Variants in XRCC5 observed in about 807,000 individuals in gnomAD.
XRCC5 encodes DNA repair protein Ku80.
In XRCC5, 12 loss-of-function variants were observed where a neutral mutation model predicts 95.7. That is an observed-to-expected ratio of 0.13 (90% confidence interval 0.08 to 0.20). The LOEUF is 0.20. Ranked by LOEUF, XRCC5 falls within the 10% of genes least tolerant of loss-of-function variation. The pLI is 1.00. For missense variants in XRCC5, 595 were observed against 873.9 expected (o/e 0.68, Z 4.02); for synonymous variants, 281 against 290.3 (o/e 0.97, Z 0.33).
intron 19 of XRCC5, among the ~76,000 whole-genome samples, chr2:216,203,690 C>T (rs1010496960): frequency 1.3e-4 from 20 of 152,154 alleles, no homozygotes; most frequent in African/African-American, 4.6e-4. Flanking sequence ...TCTCATCTGC[C>T]TGTTTTCAAA....
chr2:216,161,434 C>T (rs1688949001), intron 15 of XRCC5, among the ~76,000 whole-genome samples: 1 of 152,208 alleles, frequency 6.6e-6, no homozygotes, highest in South Asian at 2.1e-4. Context: ...CATCTTTGTA[C>T]ATAATCTGCT....
At chr2:216,191,481 G>A (rs1689611414) in intron 17 of XRCC5, among the ~76,000 whole-genome samples, 3 of 151,748 alleles carry the variant, frequency 2.0e-5, no homozygotes, top group Admixed American at 2.0e-4. Context: ...GCGGATCTCG[G>A]CTCACTGCAA....
At chr2:216,121,331 G>A (rs1207829901) in intron 5 of XRCC5, among the ~76,000 whole-genome samples, 1 of 152,162 alleles carries the variant, frequency 6.6e-6, no homozygotes, top group Non-Finnish European at 1.5e-5. Flanking sequence ...TTTAAGTGTA[G>A]CAAATAAAAT....
chr2:216,184,595 G>C (rs947221870), intron 16 of XRCC5, among the ~76,000 whole-genome samples: 3 of 152,100 alleles, frequency 2.0e-5, no homozygotes, highest in African/African-American at 7.2e-5. Flanking sequence ...TCCTGCCTCC[G>C]CCTCAGCCTC....
intron 1 of XRCC5, 34 bp downstream of exon 1, chr2:216,109,491 G>A (rs1559234255): frequency 6.2e-7 from 1 of 1,612,956 alleles, no homozygotes; most frequent in African/African-American, 1.3e-5. Context: ...GGCTTTACCC[G>A]GACTGGGGAT....
rs752642742 is a variant in XRCC5 at position 216,204,313 on chromosome 2, T to C, written c.2110-9T>C. ...CATTTTGGTATGATAACTGACTTTC[T>C]ATTTACAGTTTCTGGCCCCCAAAGA... is the stretch of plus-strand genomic sequence containing the variant. On this transcript the variant is annotated splice_polypyrimidine_tract_variant and intron_variant, in intron 19 of 20. Coordinates refer to ENST00000392132, the MANE Select transcript of XRCC5 (RefSeq NM_021141.4). 1.2e-6 allele frequency: 2 copies of C among 1,613,810 alleles called. No homozygotes were observed. The highest frequency in any genetic ancestry group is 1.7e-6 in the Non-Finnish European group (2 of 1,179,732).
intron 16 of XRCC5, among the ~76,000 whole-genome samples, chr2:216,168,077 A>G (rs1430818895): frequency 6.6e-6 from 1 of 152,190 alleles, no homozygotes; most frequent in Admixed American, 6.5e-5. Flanking sequence ...TCTCATTGTA[A>G]CACAAAAATC....
chr2:216,119,000 A>T, intron 4 of XRCC5, 43 bp from the exon 5 acceptor site: 1 of 1,601,070 alleles, frequency 6.2e-7, no homozygotes, highest in Non-Finnish European at 8.5e-7. Flanking sequence ...TAGAAAAATA[A>T]TTCAGGAGAA....
rs1459876626 is a variant in XRCC5, at chr2:216,189,882, C to T, written c.1835-343C>T. 2.0e-5 allele frequency among the ~76,000 whole-genome samples: 3 copies of T among 152,086 alleles called. 1 individual carries two copies. The highest frequency in any genetic ancestry group is 4.1e-4 in the South Asian group (2 of 4,820). ...AGGCAGTTTTGAATTATCCAAATGG[C>T]CCCTAAATTCTGGGGGAAAATAAAA... is the stretch of plus-strand genomic sequence containing the variant. On this transcript the variant is annotated intron_variant, in intron 16 of 20. Coordinates refer to ENST00000392132, the MANE Select transcript of XRCC5 (RefSeq NM_021141.4).
intron 12 of XRCC5, among the ~76,000 whole-genome samples, chr2:216,140,766 T>C (rs1697158812): frequency 6.6e-6 from 1 of 152,268 alleles, no homozygotes; most frequent in African/African-American, 2.4e-5. Flanking sequence ...AAAATGCTTA[T>C]GCTTCATTAC....
chr2:216,116,054 G>A (rs985431824), intron 2 of XRCC5, among the ~76,000 whole-genome samples: 2 of 152,056 alleles, frequency 1.3e-5, no homozygotes, highest in Non-Finnish European at 2.9e-5. Flanking sequence ...ATGTTGATAC[G>A]TGTTGCACAA....
At chr2:216,152,093 A>G (rs1199847197) in intron 14 of XRCC5, among the ~76,000 whole-genome samples, 1 of 152,182 alleles carries the variant, frequency 6.6e-6, no homozygotes, top group Non-Finnish European at 1.5e-5. Context: ...CCCATAATCC[A>G]TTCACTTCCC....
At chr2:216,203,848 C>CTTTTTTT (rs56250537) in intron 19 of XRCC5, among the ~76,000 whole-genome samples, 1 of 118,792 alleles carries the variant, frequency 8.4e-6, no homozygotes, top group African/African-American at 3.3e-5. Context: ...TTATTCTAAG[C>CTTTTTTT]TTTTTTTTTT....
intron 14 of XRCC5, among the ~76,000 whole-genome samples, chr2:216,155,587 T>C (rs1688826348): frequency 6.6e-6 from 1 of 152,182 alleles, no homozygotes. Context: ...AGTGTACTCG[T>C]CACTAGGGGA....
intron 12 of XRCC5, 99 bp downstream of exon 12, chr2:216,138,278 G>A: frequency 9.9e-7 from 1 of 1,010,584 alleles, no homozygotes; most frequent in South Asian, 1.4e-5. Context: ...TATTTATAGG[G>A]TGCAATTAGT....
rs575700008 is a variant in XRCC5 at position 216,205,150 on chromosome 2, G to T, written c.2185-38G>T. On this transcript the variant is annotated intron_variant, in intron 20 of 20. Coordinates refer to ENST00000392132, the MANE Select transcript of XRCC5 (RefSeq NM_021141.4). ...CCAGAGAAGCAGTGGTATGAAATTG[G>T]CCTGATTCCTTTCTAAGTGTGTTGT... The T allele has an allele frequency of 3.1e-6, 5 of 1,613,380 alleles. No individual in the cohort carries two copies. In the African/African-American group the frequency reaches 5.3e-5, roughly 17 times the overall value.
At chr2:216,188,307 C>T (rs1178536615) in intron 16 of XRCC5, among the ~76,000 whole-genome samples, 4 of 152,190 alleles carry the variant, frequency 2.6e-5, no homozygotes, top group Non-Finnish European at 2.9e-5. Context: ...TCATAGCCCT[C>T]TTCACATTAT....
At chr2:216,141,151 AAAT>A in intron 12 of XRCC5, 32 bp from the exon 13 acceptor site, 1 of 1,609,380 alleles carries the variant, frequency 6.2e-7, no homozygotes, top group Non-Finnish European at 8.5e-7. Context: ...AGAATAATGG[AAAT>A]AATCATTTTT....
rs1472864423 is a variant in XRCC5 at position 216,175,831 on chromosome 2, C to T, written c.1834+13783C>T. 3 of 436,450 alleles carry T rather than the reference C, an allele frequency of 6.9e-6. No individual in the cohort carries two copies. In the Admixed American group the frequency reaches 7.9e-5, roughly 12 times the overall value. 27.0% of individuals were successfully genotyped at this position (436,450 alleles called of 1,614,324 possible). A position where few individuals can be genotyped will look rare whatever the true frequency, so the allele number is the denominator to read the frequency against. ...TGTTTGCTTGGGGTTCTGTCATTAC[C>T]ACACAATCTGTGAGTGTGCCCCCTT... On this transcript the variant is annotated intron_variant, in intron 16 of 20. Coordinates refer to ENST00000392132, the MANE Select transcript of XRCC5 (RefSeq NM_021141.4).
Sources: gnomAD v4.1 joint callset for allele counts (sites outside exome capture counted in the v4.1 genomes callset) on GRCh38, gnomAD v4.1.1 for gene constraint, MANE v1.5 for transcripts, NCBI Gene and HGNC (gene_info 2026-07-23, HGNC 2026-07-21) for gene names.